Variants in NBAS observed in about 807,000 individuals in gnomAD.
NBAS encodes NAG/BC035112 fusion.
A neutral mutation model predicts 302.5 loss-of-function variants in NBAS; 219 were observed. The observed-to-expected ratio is 0.72, with a 90% confidence interval of 0.65 to 0.81. NBAS has a LOEUF of 0.81. Ranked by LOEUF, NBAS falls within the 30% of genes least tolerant of loss-of-function variation. NBAS has a pLI of 0.00. For synonymous variants in NBAS, 1,118 were observed against 1,021.6 expected (o/e 1.09, Z -1.80); for missense variants, 2,932 against 2,841.6 (o/e 1.03, Z -0.72).
the NBAS span, among the ~76,000 whole-genome samples, chr2:15,037,434 G>GC: frequency 6.6e-6 from 1 of 151,622 alleles, no homozygotes; most frequent in Non-Finnish European, 1.5e-5. Context: ...GCAAGGCGGG[G>GC]TACTACAACT....
At chr2:15,539,421 T>G in intron 6 of NBAS, 65 bp from the exon 7 acceptor site, 1 of 1,563,174 alleles carries the variant, frequency 6.4e-7, no homozygotes, top group Non-Finnish European at 8.8e-7. Flanking sequence ...ATGCTTTTAG[T>G]AACTGCAACT....
At position 15,454,402 on chromosome 2, in the gene NBAS, T is replaced by TA. The variant is rs539471228; in HGVS notation, c.2339+6798dup. 1.5e-3 allele frequency among the ~76,000 whole-genome samples: 225 copies of TA among 146,756 alleles called. 1 individual carries two copies. Among genetic ancestry groups the TA allele is most frequent in the East Asian group, 3.9e-3 (20 of 5,080 alleles). On this transcript the variant is annotated intron_variant, in intron 21 of 51. Transcript: ENST00000281513. Reference sequence around the variant, plus strand: ...CCTCAAACAGAAAAAGGATATTAGTTAAAAAAAAAAACTGTTAAATCCAAA... The same window carrying TA: ...CCTCAAACAGAAAAAGGATATTAGTTAAAAAAAAAAAACTGTTAAATCCAAA...
the NBAS span, among the ~76,000 whole-genome samples, chr2:14,965,322 C>T: frequency 2.1e-4 from 32 of 151,844 alleles, no homozygotes; most frequent in Admixed American, 2.0e-3. Context: ...AAAAAGAAGG[C>T]ATAAACTACA....
At chr2:15,354,461 C>A (rs942040670) in intron 33 of NBAS, among the ~76,000 whole-genome samples, 5 of 152,266 alleles carry the variant, frequency 3.3e-5, no homozygotes, top group African/African-American at 1.2e-4. Context: ...ATTAATTCAG[C>A]TATTACCCTT....
chr2:15,218,986 G>T lies in NBAS; in HGVS notation c.6237-18C>A. ...GCTCCTCACTGCAGGGCAAAATCCAGAGGTATCTGTAAACTCCTAAGCCTT... is the reference window on the plus strand; with the variant it reads ...GCTCCTCACTGCAGGGCAAAATCCATAGGTATCTGTAAACTCCTAAGCCTT... On this transcript the variant is annotated intron_variant, in intron 47 of 51. Coordinates refer to ENST00000281513, the MANE Select transcript of NBAS (RefSeq NM_015909.4). The T allele has an allele frequency of 6.2e-7, 1 of 1,614,058 alleles. No individual in the cohort carries two copies. Among genetic ancestry groups the T allele is most frequent in the Non-Finnish European group, 8.5e-7 (1 of 1,179,958 alleles).
intron 47 of NBAS, among the ~76,000 whole-genome samples, chr2:15,228,393 A>G (rs1418172305): frequency 1.3e-5 from 2 of 152,202 alleles, no homozygotes; most frequent in African/African-American, 4.8e-5. Flanking sequence ...TGTTGGTGGG[A>G]ACATAAATTA....
At chr2:14,929,213 T>C in the NBAS span, among the ~76,000 whole-genome samples, 1 of 152,120 alleles carries the variant, frequency 6.6e-6, no homozygotes, top group Non-Finnish European at 1.5e-5. Flanking sequence ...TTTCAGGAGC[T>C]CTCTAGGTAA....
intron 43 of NBAS, among the ~76,000 whole-genome samples, chr2:15,276,245 G>A (rs972661412): frequency 2.2e-4 from 33 of 152,172 alleles, no homozygotes; most frequent in African/African-American, 7.7e-4. Flanking sequence ...CTAGGCCAGT[G>A]TCTCATTTGA....
chr2:15,451,315 TG>T (rs2148538945), intron 21 of NBAS, among the ~76,000 whole-genome samples: 1 of 152,278 alleles, frequency 6.6e-6, no homozygotes, highest in African/African-American at 2.4e-5. Flanking sequence ...CCTCCCAAAG[TG>T]CTGGTATTAT....
chr2:15,067,420 GAGGGGAGA>G, the NBAS span, among the ~76,000 whole-genome samples: 1 of 35,642 alleles, frequency 2.8e-5, no homozygotes, highest in Non-Finnish European at 7.1e-5. Flanking sequence ...GAGGGGAGAG[GAGGGGAGA>G]GGAGGGGAGA....
At chr2:15,453,497 T>C (rs1219521687) in intron 21 of NBAS, among the ~76,000 whole-genome samples, 1 of 152,192 alleles carries the variant, frequency 6.6e-6, no homozygotes, top group African/African-American at 2.4e-5. Context: ...TGACCTAAAA[T>C]TGTTCACTCA....
chr2:15,503,165 C>G (rs141209523), intron 11 of NBAS, among the ~76,000 whole-genome samples: 2 of 152,144 alleles, frequency 1.3e-5, no homozygotes, highest in Non-Finnish European at 2.9e-5. Context: ...GAGTTGTAAT[C>G]TCCCATGTTA....
intron 47 of NBAS, among the ~76,000 whole-genome samples, chr2:15,229,739 G>A (rs925459855): frequency 5.3e-5 from 8 of 150,410 alleles, no homozygotes; most frequent in Admixed American, 4.0e-4. Context: ...CCGAGACTGC[G>A]CCATTGTACT....
At chr2:14,877,371 G>T in the NBAS span, among the ~76,000 whole-genome samples, 2 of 152,032 alleles carry the variant, frequency 1.3e-5, no homozygotes, top group East Asian at 1.9e-4. Flanking sequence ...TTTTCTCCTG[G>T]CTCCTACTGG....
intron 48 of NBAS, among the ~76,000 whole-genome samples, chr2:15,202,940 T>G (rs1048485193): frequency 9.2e-5 from 14 of 152,176 alleles, no homozygotes; most frequent in Admixed American, 9.2e-4. Flanking sequence ...AGCTGAAAAT[T>G]TTCTCGCTGT....
At chr2:15,531,265 G>A (rs945061029) in intron 9 of NBAS, among the ~76,000 whole-genome samples, 1 of 152,094 alleles carries the variant, frequency 6.6e-6, no homozygotes, top group Non-Finnish European at 1.5e-5. Context: ...AGAGAAATAG[G>A]GAAGCCATCT....
At chr2:15,084,044 T>A in the NBAS span, among the ~76,000 whole-genome samples, 1 of 152,176 alleles carries the variant, frequency 6.6e-6, no homozygotes, top group Non-Finnish European at 1.5e-5. Flanking sequence ...CAATTGCTTT[T>A]TTTTTTTCAA....
intron 30 of NBAS, 100 bp downstream of exon 30, chr2:15,379,502 T>C: frequency 8.3e-7 from 1 of 1,206,718 alleles, no homozygotes; most frequent in Non-Finnish European, 1.2e-6. Flanking sequence ...AGTCAATCTG[T>C]ACCTGTGATA....
At chr2:15,273,575 G>A (rs553367125) in intron 44 of NBAS, among the ~76,000 whole-genome samples, 24 of 152,264 alleles carry the variant, frequency 1.6e-4, no homozygotes, top group African/African-American at 5.5e-4. Flanking sequence ...CTAAGCCTCA[G>A]TTTGCTCATC....
Sources: allele counts gnomAD v4.1 joint callset (sites outside exome capture counted in the v4.1 genomes callset), GRCh38; gene constraint gnomAD v4.1.1; transcripts MANE v1.5; gene names NCBI Gene and HGNC (gene_info 2026-07-23, HGNC 2026-07-21).